The following TMC1 variants were observed in gnomAD, a reference collection of about 807,000 sequenced individuals.
TMC1 encodes transmembrane channel like 1.
Under a neutral mutation model 105.8 loss-of-function variants are expected in TMC1, and 84 were observed. The ratio of observed to expected loss-of-function variants is 0.79; its 90% confidence interval spans 0.67 to 0.95. The LOEUF (loss-of-function observed/expected upper bound fraction) is 0.95. TMC1 is among the 40% of genes least tolerant of loss of function. The pLI, the probability that TMC1 is intolerant of heterozygous loss-of-function variation, is 0.00. For synonymous variants in TMC1, 315 were observed against 311.5 expected, an observed-to-expected ratio of 1.01 and a Z score of -0.12; for missense variants, 817 against 914.1, an observed-to-expected ratio of 0.89 and a Z score of 1.37.
At chr9:72,801,910 T>C (rs1189738103) in intron 17 of TMC1, among the ~76,000 whole-genome samples, 2 of 152,192 alleles carry the variant, frequency 1.3e-5, no homozygotes, top group African/African-American at 4.8e-5. Context: ...GAAAGTTAGG[T>C]CACTGCTTGG....
chr9:72,582,300 G>T (rs928752911), intron 2 of TMC1, among the ~76,000 whole-genome samples: 29 of 152,200 alleles, frequency 1.9e-4, no homozygotes, highest in Non-Finnish European at 4.4e-5. Context: ...GTAAATGTTG[G>T]CAAACAGCAA....
At chr9:72,789,099 G>A in intron 14 of TMC1, 24 bp from the exon 15 acceptor site, 1 of 1,610,978 alleles carries the variant, frequency 6.2e-7, no homozygotes, top group Middle Eastern at 2.2e-4. Flanking sequence ...GTTTTTGTTT[G>A]TTTGTTTGTT....
chr9:72,790,455 A>C (rs1347539403), intron 15 of TMC1, among the ~76,000 whole-genome samples: 1 of 152,178 alleles, frequency 6.6e-6, no homozygotes, highest in Non-Finnish European at 1.5e-5. Context: ...TAAAATGAAA[A>C]ATGTAGGAAC....
At chr9:72,530,515 G>A (rs1200056666) in intron 1 of TMC1, among the ~76,000 whole-genome samples, 3 of 151,846 alleles carry the variant, frequency 2.0e-5, no homozygotes, top group African/African-American at 4.8e-5. Flanking sequence ...GCTTGAACCC[G>A]GGAGGTGGAG....
intron 3 of TMC1, among the ~76,000 whole-genome samples, chr9:72,617,631 T>G (rs961137369): frequency 2.6e-5 from 4 of 152,176 alleles, no homozygotes; most frequent in African/African-American, 7.2e-5. Flanking sequence ...TTATATAAAT[T>G]AAAAAATAAT....
At chr9:72,599,064 T>C (rs1824764906) in intron 2 of TMC1, among the ~76,000 whole-genome samples, 1 of 152,162 alleles carries the variant, frequency 6.6e-6, no homozygotes, top group African/African-American at 2.4e-5. Flanking sequence ...ACAGTTTCAC[T>C]CTGTCGCCCA....
At chr9:72,553,010 G>A (rs946566611) in intron 1 of TMC1, among the ~76,000 whole-genome samples, 3 of 151,738 alleles carry the variant, frequency 2.0e-5, no homozygotes, top group African/African-American at 7.3e-5. Context: ...TTTCCCTCTT[G>A]TTGCCCAGGC....
chr9:72,748,072 GTA>G (rs1827522357), intron 10 of TMC1, among the ~76,000 whole-genome samples: 2 of 151,916 alleles, frequency 1.3e-5, no homozygotes, highest in African/African-American at 4.8e-5. Flanking sequence ...CATGTTTATT[GTA>G]TATATCATAG....
At chr9:72,732,373 G>A (rs1164313985) in intron 8 of TMC1, among the ~76,000 whole-genome samples, 1 of 152,072 alleles carries the variant, frequency 6.6e-6, no homozygotes, top group East Asian at 1.9e-4. Flanking sequence ...AAACAGCCTG[G>A]CCAAAAGGGT....
intron 13 of TMC1, among the ~76,000 whole-genome samples, chr9:72,779,825 G>C (rs1407868665): frequency 1.3e-5 from 2 of 152,158 alleles, no homozygotes; most frequent in African/African-American, 2.4e-5. Context: ...GAGAAAGCAA[G>C]TTAGACAACA....
chr9:72,598,581 C>G (rs1196517713), intron 2 of TMC1, among the ~76,000 whole-genome samples: 4 of 152,124 alleles, frequency 2.6e-5, no homozygotes, highest in African/African-American at 4.8e-5. Context: ...ACACAGAGCC[C>G]TGATAATACA....
rs369232268 is a variant in TMC1, at chr9:72,558,861, T to C, written c.-427-19041T>C. On this transcript the variant is annotated intron_variant, in intron 1 of 23. Transcript: ENST00000297784. ...TGGTACTACTCTGGAAAATTGTGCT[T>C]ATACAGTTAAAATTTTTATTTTCAA... Among the ~76,000 whole-genome samples, 8 of 152,288 alleles carry C rather than the reference T, an allele frequency of 5.3e-5. No individual in the cohort carries two copies. The East Asian group carries it at 7.7e-4, about 15-fold the overall frequency.
chr9:72,704,631 C>G (rs1046655866), intron 8 of TMC1, among the ~76,000 whole-genome samples: 1 of 152,116 alleles, frequency 6.6e-6, no homozygotes, highest in African/African-American at 2.4e-5. Context: ...AGAATTGGCT[C>G]TATACAGCTG....
chr9:72,772,890 CTCTT>C (rs1564544805), intron 13 of TMC1, among the ~76,000 whole-genome samples: 1 of 152,252 alleles, frequency 6.6e-6, no homozygotes, highest in East Asian at 1.9e-4. Flanking sequence ...CTGCTGGTCT[CTCTT>C]TTGCGTGCAG....
chr9:72,764,221 A>T (rs1827796604), intron 12 of TMC1, among the ~76,000 whole-genome samples: 1 of 152,192 alleles, frequency 6.6e-6, no homozygotes, highest in African/African-American at 2.4e-5. Context: ...CTCCTTTTTA[A>T]ATACATAATA....
intron 21 of TMC1, among the ~76,000 whole-genome samples, chr9:72,829,461 A>G (rs1197266482): frequency 6.6e-6 from 1 of 152,228 alleles, no homozygotes; most frequent in African/African-American, 2.4e-5. Context: ...TTCCAAATCC[A>G]GGAACTTTTC....
chr9:72,583,722 G>A (rs901272255), intron 2 of TMC1, among the ~76,000 whole-genome samples: 3 of 152,148 alleles, frequency 2.0e-5, no homozygotes, highest in Non-Finnish European at 1.5e-5. Flanking sequence ...AAGTTTTATG[G>A]CTATGTAAGA....
intron 5 of TMC1, among the ~76,000 whole-genome samples, chr9:72,673,305 A>G (rs1826152784): frequency 6.6e-6 from 1 of 152,158 alleles, no homozygotes; most frequent in Non-Finnish European, 1.5e-5. Context: ...GAAAAACAAA[A>G]CAAATAAATC....
Position 72,685,456 on chromosome 9 carries a change from C to A in TMC1, c.17-3253C>A, listed in dbSNP as rs182897993. Among the ~76,000 whole-genome samples, 53 of 151,312 alleles carry A rather than the reference C, an allele frequency of 3.5e-4. No individual in the cohort carries two copies. The East Asian group carries it at 9.9e-3, about 28-fold the overall frequency. On this transcript the variant is annotated intron_variant, in intron 5 of 23. Transcript: ENST00000297784. Reference sequence around the variant, plus strand: ...TCGGCTCACTGCAACCTCTGCCTCCCGGGTTCAGGTGATTCTCCTGACTCA... The same window carrying A: ...TCGGCTCACTGCAACCTCTGCCTCCAGGGTTCAGGTGATTCTCCTGACTCA...
Sources: gnomAD v4.1 joint callset for allele counts (sites outside exome capture counted in the v4.1 genomes callset) on GRCh38, gnomAD v4.1.1 for gene constraint, MANE v1.5 for transcripts, NCBI Gene and HGNC (gene_info 2026-07-23, HGNC 2026-07-21) for gene names.